The following CADM4 variants were observed in gnomAD, a reference collection of about 807,000 sequenced individuals.
CADM4 encodes the protein TSLC1-like 2.
CADM4 carries 13 observed loss-of-function variants against 43.9 expected under a neutral mutation model. The observed-to-expected ratio is 0.30, with a 90% CI of 0.19 to 0.47. CADM4 has a LOEUF of 0.47. Ranked by LOEUF, CADM4 falls within the 20% of genes least tolerant of loss-of-function variation. The probability of loss-of-function intolerance (pLI) is 1.00; values close to 1 mark genes in which losing one functional copy is unlikely to be tolerated. For missense variants in CADM4, 420 were observed against 527.0 expected (o/e 0.80, Z 1.99); for synonymous variants, 209 against 220.9 (o/e 0.95, Z 0.48).
Position 43,626,679 on chromosome 19 carries a change from G to C in CADM4, c.499+105C>G. 6 of 1,395,946 alleles carry C rather than the reference G, an allele frequency of 4.3e-6. No individual in the cohort carries two copies. The South Asian group carries it at 7.4e-5, about 17-fold the overall frequency. 86.5% of individuals were successfully genotyped at this position (1,395,946 alleles called of 1,614,324 possible). ...CGCTCGACATCAACCACTACATATT[G>C]AATGTCCAGTGTCTGTGAAAACCTG... On this transcript the variant is annotated intron_variant, in intron 4 of 8. Coordinates refer to ENST00000222374, the MANE Select transcript of CADM4 (RefSeq NM_145296.2). This position sits in a 1 kb window ranked among gnomAD's most constrained non-coding sequence, Gnocchi z 5.9.
chr19:43,631,642 G>A (rs8102654), intron 1 of CADM4, among the ~76,000 whole-genome samples: 1,755 of 152,318 alleles, frequency 0.012, 33 homozygotes, highest in East Asian at 0.037. Flanking sequence ...AAAATGTTGC[G>A]TGACAATTTT....
At position 43,625,182 on chromosome 19, in the gene CADM4, G is replaced by C. The variant is rs747310720; in HGVS notation, c.824C>G (p.Thr275Arg). 2 of 1,614,194 alleles carry C rather than the reference G, an allele frequency of 1.2e-6. No individual in the cohort carries two copies. The highest frequency in any genetic ancestry group is 1.7e-6 in the Non-Finnish European group (2 of 1,180,022). Residue 275 changes from threonine to arginine, a missense_variant, in exon 7 of 9, where the codon ACG becomes AGG. By Grantham distance (71) the Thr-to-Arg change is moderately conservative (BLOSUM62 -1). Transcript: ENST00000222374. The surrounding 1 kb of genome is among the most constrained non-coding windows in gnomAD (Gnocchi z 4.5). Reference protein sequence around the residue: ...LPERAEAVGETLTLPGLVSAD... With the variant: ...LPERAEAVGERLTLPGLVSAD... ...GGATACCAGACCCGGCAGCGTGAGCGTCTCTCCCACGGCCTCCGCCCTCTC... is the reference window on the plus strand; with the variant it reads ...GGATACCAGACCCGGCAGCGTGAGCCTCTCTCCCACGGCCTCCGCCCTCTC...
At position 43,623,691 on chromosome 19, in the gene CADM4, C is replaced by T. The variant is rs1170714980; in HGVS notation, c.1058-252G>A. Among the ~76,000 whole-genome samples the T allele has an allele frequency of 1.3e-5, 2 of 152,194 alleles. No individual in the cohort carries two copies. Among genetic ancestry groups the T allele is most frequent in the Non-Finnish European group, 2.9e-5 (2 of 68,022 alleles). The stretch of plus-strand genomic sequence containing the variant: ...CCTTTCTCTTGGAGGTATTTCCTTG[C>T]CCTGCTCCCAGCGAATTCAGCAATT... On this transcript the variant is annotated intron_variant, in intron 8 of 8. Transcript: ENST00000222374. This position sits in a 1 kb window ranked among gnomAD's most constrained non-coding sequence, Gnocchi z 4.4.
chr19:43,626,417 C>T lies in CADM4; in HGVS notation c.500-129G>A. The T allele has an allele frequency of 8.7e-7, 1 of 1,147,794 alleles. No homozygotes were observed. 71.1% of individuals were successfully genotyped at this position (1,147,794 alleles called of 1,614,324 possible). ...ACCCACAGGCCCCGCCTCTTGTCCT[C>T]CAAGCTACGCCCCTCCCCTAACCAA... On this transcript the variant is annotated intron_variant, in intron 4 of 8. Transcript: ENST00000222374. This position sits in a 1 kb window ranked among gnomAD's most constrained non-coding sequence, Gnocchi z 5.9.
rs3803910 is a variant in CADM4 at position 43,625,464 on chromosome 19, T to C, written c.756-214A>G. Among the ~76,000 whole-genome samples the C allele has an allele frequency of 0.28, 43,315 of 152,100 alleles. 6,463 individuals carry two copies. Among genetic ancestry groups the C allele is most frequent in the Middle Eastern group, 0.36 (106 of 294 alleles). Reference sequence around the variant, plus strand: ...GAATTCTAGCCCAGGCTGAACATGGTGGCTTATGCCTGCAATCCCAGCACT... The same window carrying C: ...GAATTCTAGCCCAGGCTGAACATGGCGGCTTATGCCTGCAATCCCAGCACT... On this transcript the variant is annotated intron_variant, in intron 6 of 8. Coordinates refer to ENST00000222374, the MANE Select transcript of CADM4 (RefSeq NM_145296.2). The surrounding 1 kb of genome is among the most constrained non-coding windows in gnomAD (Gnocchi z 4.5).
In CADM4 at chr19:43,636,826, T is replaced by A. The variant is rs573420097; in HGVS notation, c.64+2901A>T. Among the ~76,000 whole-genome samples the A allele has an allele frequency of 1.2e-4, 18 of 152,108 alleles. No homozygotes were observed. The South Asian group carries it at 3.5e-3, about 30-fold the overall frequency. ...CAGTGATAGAAACCTCCAAAACCTG[T>A]TCCTTGGGGTGACTCACAATGGAGG... On this transcript the variant is annotated intron_variant, in intron 1 of 8. Coordinates refer to ENST00000222374, the MANE Select transcript of CADM4 (RefSeq NM_145296.2).
In CADM4 at chr19:43,639,815, G is replaced by T; in HGVS notation, c.-25C>A. ...TGGTGCCGCCGCCGCCGCCGCCGCC[G>T]CTCGCTCCCGGCCCGGCACCTGCAC... On this transcript the variant is annotated 5_prime_UTR_variant, in exon 1 of 9. Coordinates refer to ENST00000222374, the MANE Select transcript of CADM4 (RefSeq NM_145296.2). The T allele has an allele frequency of 1.0e-6, 1 of 997,002 alleles. No individual in the cohort carries two copies. The highest frequency in any genetic ancestry group is 1.2e-6 in the Non-Finnish European group (1 of 842,432). The allele number at this position is 997,002 out of a possible 1,614,324, so 61.8% of individuals were successfully genotyped here.
Position 43,625,991 on chromosome 19 carries a change from C to T in CADM4, c.675G>A (p.Thr225=), listed in dbSNP as rs749312086. 6.8e-6 allele frequency: 11 copies of T among 1,614,018 alleles called. No homozygotes were observed. The highest frequency in any genetic ancestry group is 8.5e-6 in the Non-Finnish European group (10 of 1,180,030). The stretch of plus-strand genomic sequence containing the variant: ...CAGCTTGGGAGGCATGAATCCGGGC[C>T]GTGGGGGAGTCTGTTAGGCAAAAGT... ...QYVLDVQYSP[T]ARIHASQAVV... The change falls in exon 6 of 9, where the codon ACG becomes ACA. Residue 225 remains threonine (T), a synonymous_variant. Transcript: ENST00000222374. This position sits in a 1 kb window ranked among gnomAD's most constrained non-coding sequence, Gnocchi z 4.5.
At position 43,623,092 on chromosome 19, in the gene CADM4, G is replaced by C. The variant is rs961734334; in HGVS notation, c.*238C>G. On this transcript the variant is annotated 3_prime_UTR_variant, in exon 9 of 9. Transcript: ENST00000222374. The surrounding 1 kb of genome is among the most constrained non-coding windows in gnomAD (Gnocchi z 4.4). ...CTACTGCCCTCACTGGACTTGGGGGGTCTGGACCTTTGGCCCCTGCCCCCT... is the reference window on the plus strand; with the variant it reads ...CTACTGCCCTCACTGGACTTGGGGGCTCTGGACCTTTGGCCCCTGCCCCCT... 10 of 511,094 alleles carry C rather than the reference G, an allele frequency of 2.0e-5. No individual in the cohort carries two copies. Among genetic ancestry groups the C allele is most frequent in the Admixed American group, 3.3e-5 (1 of 30,410 alleles). The allele number at this position is 511,094 out of a possible 1,614,324, so 31.7% of individuals were successfully genotyped here. A position where few individuals can be genotyped will look rare whatever the true frequency, so the allele number is the denominator to read the frequency against.
chr19:43,626,349 C>G lies in CADM4; in HGVS notation c.500-61G>C, dbSNP rs1033733027. The G allele has an allele frequency of 3.8e-6, 6 of 1,578,676 alleles. No individual in the cohort carries two copies. Among genetic ancestry groups the G allele is most frequent in the Non-Finnish European group, 5.2e-6 (6 of 1,162,750 alleles). The stretch of plus-strand genomic sequence containing the variant: ...TTCCGGCTCCATCCACCCACCCACC[C>G]GAGCCAACGCCAAAGCAGGCTATTT... On this transcript the variant is annotated intron_variant, in intron 4 of 8. Transcript: ENST00000222374. This position sits in a 1 kb window ranked among gnomAD's most constrained non-coding sequence, Gnocchi z 5.9.
Position 43,626,903 on chromosome 19 carries a change from G to A in CADM4, c.380C>T (p.Pro127Leu), listed in dbSNP as rs767742180. ...CGCCTGCTCCCGGACCTCCACCACAGGATTCTCTGGGGCCACTGCCGCAGG... is the reference window on the plus strand; with the variant it reads ...CGCCTGCTCCCGGACCTCCACCACAAGATTCTCTGGGGCCACTGCCGCAGG... ...TLTVLVAPEN[P>L]VVEVREQAVE... is the part of the protein sequence containing the mutation. Residue 127 changes from proline to leucine, a missense_variant, in exon 4 of 9, where the codon CCT (proline) becomes CTT (leucine). Transcript: ENST00000222374. The surrounding 1 kb of genome is among the most constrained non-coding windows in gnomAD (Gnocchi z 5.9). 1 of 1,602,802 alleles carries A rather than the reference G, an allele frequency of 6.2e-7. No individual in the cohort carries two copies. The highest frequency in any genetic ancestry group is 1.1e-5 in the South Asian group (1 of 90,732).
At chr19:43,639,699 GCC>G (rs1973748191) in intron 1 of CADM4, 26 bp downstream of exon 1, 2 of 984,888 alleles carry the variant, frequency 2.0e-6, no homozygotes. Context: ...CCCCAGCCCG[GCC>G]GGCCGACCCC....
At chr19:43,628,484 G>A (rs752756726) in intron 1 of CADM4, among the ~76,000 whole-genome samples, 16 of 152,068 alleles carry the variant, frequency 1.1e-4, no homozygotes, top group Non-Finnish European at 1.9e-4. Flanking sequence ...CACAAGGTGT[G>A]GGAGACTGCT....
At chr19:43,631,200 G>T (rs530491214) in intron 1 of CADM4, among the ~76,000 whole-genome samples, 1 of 152,212 alleles carries the variant, frequency 6.6e-6, no homozygotes, top group South Asian at 2.1e-4. Flanking sequence ...AATTAGCCAG[G>T]TGTGGTGGTG....
At chr19:43,641,840 C>T (rs1815575465), upstream of CADM4, among the ~76,000 whole-genome samples, 2 of 152,168 alleles carry the variant, frequency 1.3e-5, no homozygotes, top group African/African-American at 2.4e-5. Flanking sequence ...AATACTGGTC[C>T]AAGGGGTAAC....
intron 1 of CADM4, among the ~76,000 whole-genome samples, chr19:43,635,511 T>C (rs2146159802): frequency 7.0e-6 from 1 of 143,442 alleles, no homozygotes; most frequent in East Asian, 2.2e-4. Context: ...CAGGAGTCTG[T>C]ATCCTCATCC....
upstream of CADM4, among the ~76,000 whole-genome samples, chr19:43,641,360 G>A (rs945030093): frequency 6.6e-6 from 1 of 152,158 alleles, no homozygotes; most frequent in African/African-American, 2.4e-5. Context: ...TCAGTACCCA[G>A]CTCCCAGTAT....
chr19:43,623,981 C>G lies in CADM4; in HGVS notation c.1057+133G>C. ...CCGAAAGCCCCGCCCCCTTTGTCAT[C>G]TCCGCCCCCGGTGCGGCGGGATTTG... On this transcript the variant is annotated intron_variant, in intron 8 of 8. Transcript: ENST00000222374. The surrounding 1 kb of genome is among the most constrained non-coding windows in gnomAD (Gnocchi z 4.4). 1.8e-6 allele frequency: 2 copies of G among 1,121,702 alleles called. No individual in the cohort carries two copies. The highest frequency in any genetic ancestry group is 4.8e-5 in the East Asian group (2 of 41,556). The allele number at this position is 1,121,702 out of a possible 1,614,324, so 69.5% of individuals were successfully genotyped here.
In CADM4 at chr19:43,624,260, C is replaced by T. The variant is rs768831863; in HGVS notation, c.929-18G>A. The T allele has an allele frequency of 1.5e-5, 24 of 1,614,136 alleles. No homozygotes were observed. The highest frequency in any genetic ancestry group is 2.0e-5 in the Non-Finnish European group (24 of 1,180,012). On this transcript the variant is annotated intron_variant, in intron 7 of 8. Coordinates refer to ENST00000222374, the MANE Select transcript of CADM4 (RefSeq NM_145296.2). ...ACCAGGGTCTGCCAGAGGGACACGG[C>T]ACAGGACCAGGTCATCAGAGGACGA...
Sources: allele counts gnomAD v4.1 joint callset (sites outside exome capture counted in the v4.1 genomes callset), GRCh38; gene constraint gnomAD v4.1.1; non-coding constraint Gnocchi (gnomAD v3.1); transcripts MANE v1.5; gene names NCBI Gene and HGNC (gene_info 2026-07-23, HGNC 2026-07-21).